The following TCP11L2 variants were observed in gnomAD, a reference collection of about 807,000 sequenced individuals.
TCP11L2 encodes t-complex 11 like 2.
A neutral mutation model predicts 50.7 loss-of-function variants in TCP11L2; 39 were observed. The ratio of observed to expected loss-of-function variants is 0.77; its 90% confidence interval spans 0.60 to 1.01. The LOEUF (loss-of-function observed/expected upper bound fraction) is 1.01. TCP11L2 is among the 50% of genes least tolerant of loss of function. TCP11L2 has a pLI of 0.00. For synonymous variants in TCP11L2, 192 were observed against 219.3 expected, an observed-to-expected ratio of 0.88 and a Z score of 1.10; for missense variants, 612 against 614.7, an observed-to-expected ratio of 1.00 and a Z score of 0.05.
chr12:106,335,985 C>T (rs748853023), intron 7 of TCP11L2, 47 bp from the exon 8 acceptor site: 1 of 1,521,732 alleles, frequency 6.6e-7, no homozygotes, highest in Non-Finnish European at 8.8e-7. Flanking sequence ...TATTTTCATG[C>T]TATTGAGCTA....
At chr12:106,323,723 T>C (rs754988150) in intron 6 of TCP11L2, 77 bp downstream of exon 6, 4 of 437,636 alleles carry the variant, frequency 9.1e-6, no homozygotes, top group Non-Finnish European at 1.4e-5. Flanking sequence ...TTAAATTAAA[T>C]TAAATTAAAT....
At chr12:106,341,052 T>C (rs1470839054) in intron 9 of TCP11L2, 54 bp downstream of exon 9, 5 of 1,486,524 alleles carry the variant, frequency 3.4e-6, no homozygotes, top group Non-Finnish European at 4.6e-6. Flanking sequence ...AACTTGCTGA[T>C]TTTGACTAAC....
intron 9 of TCP11L2, among the ~76,000 whole-genome samples, chr12:106,345,949 C>T (rs916700500): frequency 6.6e-6 from 1 of 152,088 alleles, no homozygotes; most frequent in Admixed American, 6.5e-5. Flanking sequence ...TCCAGCAAGC[C>T]CAGGCCTATT....
chr12:106,318,568 C>G (rs1160753742), intron 4 of TCP11L2, 104 bp downstream of exon 4: 10 of 1,434,524 alleles, frequency 7.0e-6, no homozygotes, highest in Non-Finnish European at 9.4e-6. Context: ...AAATTTACTT[C>G]TCACAGTACT....
In TCP11L2 at chr12:106,346,730, C is replaced by T; in HGVS notation, c.*200C>T. 2 of 504,730 alleles carry T rather than the reference C, an allele frequency of 4.0e-6. No homozygotes were observed. Among genetic ancestry groups the T allele is most frequent in the Non-Finnish European group, 6.7e-6 (2 of 300,394 alleles). The allele number at this position is 504,730 out of a possible 1,614,324, so 31.3% of individuals were successfully genotyped here. On this transcript the variant is annotated 3_prime_UTR_variant, in exon 10 of 10. Coordinates refer to ENST00000299045, the MANE Select transcript of TCP11L2 (RefSeq NM_152772.3). ...CAGAAGACGTAAACATCACATAGACCCTATTTGTGCATCATTTTCAAGTTT... is the reference window on the plus strand; with the variant it reads ...CAGAAGACGTAAACATCACATAGACTCTATTTGTGCATCATTTTCAAGTTT...
At chr12:106,298,347 C>T (rs2034375660), upstream of TCP11L2, among the ~76,000 whole-genome samples, 1 of 151,998 alleles carries the variant, frequency 6.6e-6, no homozygotes, top group Non-Finnish European at 1.5e-5. Flanking sequence ...AATTTTTGAA[C>T]ATTCAGGGCC....
chr12:106,343,998 GAT>G (rs1247488642), intron 9 of TCP11L2, among the ~76,000 whole-genome samples: 4 of 151,010 alleles, frequency 2.6e-5, no homozygotes, highest in African/African-American at 9.7e-5. Context: ...TTGCACAGGT[GAT>G]ACAATAATTT....
At chr12:106,302,405 TCAGCC>T (rs1403886171), upstream of TCP11L2, among the ~76,000 whole-genome samples, 1 of 48,350 alleles carries the variant, frequency 2.1e-5, no homozygotes, top group Non-Finnish European at 4.1e-5. Context: ...CAGCCCCCGC[TCAGCC>T]CCCGCTCCCC....
At chr12:106,337,996 T>C (rs1239829598) in intron 8 of TCP11L2, among the ~76,000 whole-genome samples, 1 of 152,156 alleles carries the variant, frequency 6.6e-6, no homozygotes, top group African/African-American at 2.4e-5. Flanking sequence ...AAAAAAGGGA[T>C]AGTACTAAAT....
chr12:106,314,090 CTT>C (rs2034971588), intron 2 of TCP11L2, among the ~76,000 whole-genome samples: 1 of 152,006 alleles, frequency 6.6e-6, no homozygotes, highest in Non-Finnish European at 1.5e-5. Context: ...TTAAAAGTAA[CTT>C]ATAATGGGCC....
intron 8 of TCP11L2, among the ~76,000 whole-genome samples, chr12:106,340,154 T>G (rs2036048560): frequency 6.6e-6 from 1 of 152,200 alleles, no homozygotes; most frequent in African/African-American, 2.4e-5. Flanking sequence ...TGAGATAAAA[T>G]TTTCAGTCAT....
upstream of TCP11L2, among the ~76,000 whole-genome samples, chr12:106,298,020 T>A (rs1362831760): frequency 2.6e-5 from 4 of 152,156 alleles, no homozygotes; most frequent in Admixed American, 2.0e-4. Flanking sequence ...CTAAGAATAT[T>A]TGTCTTTTTA....
Position 106,346,609 on chromosome 12 carries a change from TC to T in TCP11L2, c.*81del, listed in dbSNP as rs2036242563. ...CCACTTCCATTGATGGCATTAGAGA[TC>T]CAGCACATTCTCAGTACTGTGGTGC... is the stretch of plus-strand genomic sequence containing the variant. On this transcript the variant is annotated 3_prime_UTR_variant, in exon 10 of 10. Transcript: ENST00000299045. The T allele has an allele frequency of 6.6e-7, 1 of 1,524,926 alleles. No individual in the cohort carries two copies. Among genetic ancestry groups the T allele is most frequent in the African/African-American group, 1.4e-5 (1 of 72,768 alleles). 94.5% of individuals were successfully genotyped at this position (1,524,926 alleles called of 1,614,324 possible). A position where few individuals can be genotyped will look rare whatever the true frequency, so the allele number is the denominator to read the frequency against.
At position 106,311,173 on chromosome 12, in the gene TCP11L2, A is replaced by G. The variant is rs974304593; in HGVS notation, c.98A>G (p.Tyr33Cys). ...GAAAGCATGGCTTCGCTCAGTGACT[A>G]TGAATGCTCCAGGCAGAGCTTTGCA... ...FSESMASLSD[Y>C]ECSRQSFASD... The change falls in exon 2 of 10, where the codon TAT becomes TGT. Residue 33 changes from tyrosine to cysteine, a missense_variant. By Grantham distance (194) the Tyr-to-Cys change is radical. Transcript: ENST00000299045. The G allele has an allele frequency of 5.6e-6, 9 of 1,614,228 alleles. No homozygotes were observed. The highest frequency in any genetic ancestry group is 5.0e-5 in the Admixed American group (3 of 60,036).
Position 106,321,625 on chromosome 12 carries a change from C to T in TCP11L2, c.554C>T (p.Thr185Met), listed in dbSNP as rs780788108. Residue 185 changes from threonine to methionine, a missense_variant, in exon 5 of 10, where the codon ACG becomes ATG. Thr to Met is a moderately conservative substitution (Grantham distance 81, BLOSUM62 -1). Coordinates refer to ENST00000299045, the MANE Select transcript of TCP11L2 (RefSeq NM_152772.3). ...IQGLANYVISTMGKLCAPVRD... is the reference protein window; with the variant it reads ...IQGLANYVISMMGKLCAPVRD... ...GGCCTGGCCAACTATGTCATCAGTA[C>T]GATGGGAAAGCTGTGTGCTCCCGTG... The T allele has an allele frequency of 3.4e-5, 55 of 1,614,014 alleles. No homozygotes were observed. Among genetic ancestry groups the T allele is most frequent in the Middle Eastern group, 1.6e-4 (1 of 6,084 alleles).
chr12:106,340,970 GGA>G lies in TCP11L2; in HGVS notation c.1289_1290del (p.Glu430GlyfsTer9). 1 of 1,612,540 alleles carries G rather than the reference GGA, an allele frequency of 6.2e-7. No homozygotes were observed. The highest frequency in any genetic ancestry group is 8.5e-7 in the Non-Finnish European group (1 of 1,179,526). ...TAGGTCAATTTTCAAGCATTGAAGAGGAGGACAATCCTATCTGGTCCTTGATT... is the reference window on the plus strand; with the variant it reads ...TAGGTCAATTTTCAAGCATTGAAGAGGGACAATCCTATCTGGTCCTTGATT... ...LIGQFSSIEE[E>X]DNPIWSLIDK... On this transcript the variant is annotated frameshift_variant, in exon 9 of 10. Coordinates refer to ENST00000299045, the MANE Select transcript of TCP11L2 (RefSeq NM_152772.3). LOFTEE classifies it high-confidence loss of function.
At chr12:106,300,098 T>G (rs1029894155), upstream of TCP11L2, among the ~76,000 whole-genome samples, 6 of 151,928 alleles carry the variant, frequency 3.9e-5, no homozygotes, top group African/African-American at 1.4e-4. Context: ...AAAAACTAGG[T>G]GTAATAATAT....
At chr12:106,305,246 A>G (rs2034581424) in intron 1 of TCP11L2, among the ~76,000 whole-genome samples, 2 of 151,862 alleles carry the variant, frequency 1.3e-5, no homozygotes, top group South Asian at 4.2e-4. Context: ...ATAAGGATTC[A>G]AGGAGATAAA....
intron 8 of TCP11L2, among the ~76,000 whole-genome samples, chr12:106,336,547 A>ATTTTTTTTTTTTTTTTTTTTTTTT (rs11449901): frequency 9.8e-6 from 1 of 102,164 alleles, no homozygotes; most frequent in Non-Finnish European, 1.9e-5. Flanking sequence ...GAATTGCGCA[A>ATTTTTTTTTTTTTTTTTTTTTTTT]TTTTTTTTTT....
Sources: allele counts gnomAD v4.1 joint callset (sites outside exome capture counted in the v4.1 genomes callset), GRCh38; gene constraint gnomAD v4.1.1; transcripts MANE v1.5; gene names NCBI Gene and HGNC (gene_info 2026-07-23, HGNC 2026-07-21).